Variants in ALDOB observed in about 807,000 individuals in gnomAD.
The protein encoded by ALDOB is fructose-bisphosphate aldolase B.
Under a neutral mutation model 41.0 loss-of-function variants are expected in ALDOB, and 39 were observed. The ratio of observed to expected loss-of-function variants is 0.95; its 90% CI spans 0.74 to 1.24. The LOEUF is 1.24. ALDOB is among the 50% of genes most tolerant of loss of function. The pLI, the probability that ALDOB is intolerant of heterozygous loss-of-function variation, is 0.00. For missense variants in ALDOB, 530 were observed against 457.3 expected (o/e 1.16, Z -1.45); for synonymous variants, 175 against 168.8 (o/e 1.04, Z -0.28).
intron 5 of ALDOB, 107 bp downstream of exon 5, chr9:101,427,375 T>A: frequency 2.1e-6 from 3 of 1,402,884 alleles, no homozygotes; most frequent in Non-Finnish European, 2.9e-6. Context: ...TAGGATATAC[T>A]GGTGAGGGAA....
chr9:101,434,068 G>A (rs755908544), intron 1 of ALDOB, among the ~76,000 whole-genome samples: 6 of 152,032 alleles, frequency 3.9e-5, no homozygotes, highest in South Asian at 2.1e-4. Context: ...CACTGCACCC[G>A]GCCACATTTC....
chr9:101,424,541 T>A (rs1831095171), intron 8 of ALDOB, among the ~76,000 whole-genome samples: 1 of 152,188 alleles, frequency 6.6e-6, no homozygotes, highest in African/African-American at 2.4e-5. Flanking sequence ...CTCTTCTTCA[T>A]CTTCCCAAAA....
chr9:101,429,381 A>G (rs143017767), intron 3 of ALDOB, among the ~76,000 whole-genome samples: 1 of 150,904 alleles, frequency 6.6e-6, no homozygotes, highest in Non-Finnish European at 1.5e-5. Flanking sequence ...CTGGTCTCAA[A>G]CTCCTGAGCT....
chr9:101,422,691 T>A (rs1831065894), intron 8 of ALDOB, among the ~76,000 whole-genome samples: 1 of 152,190 alleles, frequency 6.6e-6, no homozygotes, highest in South Asian at 2.1e-4. Flanking sequence ...TTCTAGTGTT[T>A]GATACAACAG....
At chr9:101,424,202 G>C (rs749978739) in intron 8 of ALDOB, among the ~76,000 whole-genome samples, 2 of 152,170 alleles carry the variant, frequency 1.3e-5, no homozygotes, top group Non-Finnish European at 2.9e-5. Context: ...CAGATCACCT[G>C]AGGTCAGGAG....
At chr9:101,434,340 A>G (rs1306645352) in intron 1 of ALDOB, among the ~76,000 whole-genome samples, 2 of 152,150 alleles carry the variant, frequency 1.3e-5, no homozygotes, top group Non-Finnish European at 2.9e-5. Flanking sequence ...TTAGAATTCT[A>G]TTTCTAATCC....
chr9:101,426,102 G>T (rs1258618595), intron 6 of ALDOB, among the ~76,000 whole-genome samples: 2 of 152,136 alleles, frequency 1.3e-5, no homozygotes, highest in Non-Finnish European at 2.9e-5. Flanking sequence ...AGAAACTAAG[G>T]TCAGGTGACA....
At chr9:101,426,760 A>G in intron 5 of ALDOB, 122 bp from the exon 6 acceptor site, 1 of 719,306 alleles carries the variant, frequency 1.4e-6, no homozygotes, top group Non-Finnish European at 2.6e-6. Context: ...TACTACATAG[A>G]TGACTTAAAG....
At chr9:101,432,619 G>A (rs977216443) in intron 1 of ALDOB, among the ~76,000 whole-genome samples, 4 of 152,206 alleles carry the variant, frequency 2.6e-5, no homozygotes, top group Non-Finnish European at 5.9e-5. Flanking sequence ...CAAGCACTCT[G>A]CTAATGGCTT....
chr9:101,431,018 C>G, intron 1 of ALDOB, 121 bp from the exon 2 acceptor site: 1 of 725,864 alleles, frequency 1.4e-6, no homozygotes. Flanking sequence ...TGACCCATTT[C>G]CACAGGTGGA....
rs141988626 is a variant in ALDOB at position 101,426,597 on chromosome 9, A to G, written c.582T>C (p.Asp194=). Residue 194 remains aspartate (D), a synonymous_variant, in exon 6 of 9, where the codon GAT becomes GAC. Coordinates refer to ENST00000647789, the MANE Select transcript of ALDOB (RefSeq NM_000035.4). ...VPIVEPEVIP[D]GDHDLEHCQY... ...GGCAGTGTTCCAGGTCATGGTCTCC[A>G]TCAGGAATTACCTCTGGTTCAACAA... The G allele has an allele frequency of 2.9e-5, 47 of 1,613,386 alleles. No homozygotes were observed. In the African/African-American group the frequency reaches 6.1e-4, roughly 21 times the overall value.
rs573295428 is a variant in ALDOB, at chr9:101,431,670, C to T, written c.-10-773G>A. Among the ~76,000 whole-genome samples the T allele has an allele frequency of 3.9e-5, 6 of 152,282 alleles. No homozygotes were observed. In the South Asian group the frequency reaches 6.2e-4, roughly 16 times the overall value. The stretch of plus-strand genomic sequence containing the variant: ...ACAGTGGTTGTGCTCTGAAGGAGAT[C>T]GTTGCCCCTGTTCGGATGCCACTTT... On this transcript the variant is annotated intron_variant, in intron 1 of 8. Transcript: ENST00000647789.
chr9:101,428,283 C>T (rs987398175), intron 4 of ALDOB, among the ~76,000 whole-genome samples, 186 bp downstream of exon 4: 1 of 152,176 alleles, frequency 6.6e-6, no homozygotes, highest in African/African-American at 2.4e-5. Context: ...AACTGAGGCT[C>T]ACAATATTTC....
chr9:101,430,877 C>A lies in ALDOB; in HGVS notation c.11G>T (p.Arg4Leu), dbSNP rs767812270. ...CTGCTCCTGGGTGAGGGCTGGAAAT[C>A]GGTGGGCCATGGTGACAGGTCTGGA... MAHRFPALTQEQKK... is the reference protein window; with the variant it reads MAHLFPALTQEQKK... The change falls in exon 2 of 9, where the codon CGA (arginine) becomes CTA (leucine). Residue 4 changes from arginine (R) to leucine (L), a missense_variant. Transcript: ENST00000647789. 2 of 1,613,816 alleles carry A rather than the reference C, an allele frequency of 1.2e-6. No homozygotes were observed. The highest frequency in any genetic ancestry group is 1.1e-5 in the South Asian group (1 of 91,062).
chr9:101,425,918 ACTCC>A (rs917090535), intron 6 of ALDOB, among the ~76,000 whole-genome samples: 2 of 151,362 alleles, frequency 1.3e-5, no homozygotes, highest in African/African-American at 4.9e-5. Context: ...TATTTCCATT[ACTCC>A]CTTGGTCAAT....
chr9:101,422,179 A>G (rs1831057816), intron 8 of ALDOB, among the ~76,000 whole-genome samples: 1 of 152,232 alleles, frequency 6.6e-6, no homozygotes. Context: ...CAACAGTACT[A>G]GAAACTAAAG....
In ALDOB at chr9:101,435,756, G is replaced by C. The variant is rs145578385; in HGVS notation, c.-58C>G. ...CTAGATATCAAAAGCTGTGGGTGAGGCAGCAGCTGCCAAATAAGACAGATC... is the reference window on the plus strand; with the variant it reads ...CTAGATATCAAAAGCTGTGGGTGAGCCAGCAGCTGCCAAATAAGACAGATC... On this transcript the variant is annotated 5_prime_UTR_variant, in exon 1 of 9. Transcript: ENST00000647789. 1.1e-4 allele frequency: 17 copies of C among 152,170 alleles called. No homozygotes were observed. Among genetic ancestry groups the C allele is most frequent in the African/African-American group, 3.4e-4 (14 of 41,522 alleles). 9.4% of individuals were successfully genotyped at this position (152,170 alleles called of 1,614,324 possible).
At position 101,421,499 on chromosome 9, in the gene ALDOB, C is replaced by G. The variant is rs1831045779; in HGVS notation, c.*310G>C. ...TCAGCTAATGAGGTGTTTCAATCAGCAGTTGTTCTTTGGATGAGGAGCCGA... is the reference window on the plus strand; with the variant it reads ...TCAGCTAATGAGGTGTTTCAATCAGGAGTTGTTCTTTGGATGAGGAGCCGA... On this transcript the variant is annotated 3_prime_UTR_variant, in exon 9 of 9. Coordinates refer to ENST00000647789, the MANE Select transcript of ALDOB (RefSeq NM_000035.4). 4.8e-6 allele frequency: 2 copies of G among 420,092 alleles called. No homozygotes were observed. The highest frequency in any genetic ancestry group is 8.9e-6 in the Non-Finnish European group (2 of 223,914). The allele number at this position is 420,092 out of a possible 1,614,324, so 26.0% of individuals were successfully genotyped here.
intron 5 of ALDOB, 99 bp downstream of exon 5, chr9:101,427,383 G>A: frequency 2.1e-6 from 3 of 1,451,032 alleles, no homozygotes; most frequent in East Asian, 2.4e-5. Context: ...ACTGGTGAGG[G>A]AAAAGGAGGT....
Sources: allele counts gnomAD v4.1 joint callset (sites outside exome capture counted in the v4.1 genomes callset), GRCh38; gene constraint gnomAD v4.1.1; transcripts MANE v1.5; gene names NCBI Gene and HGNC (gene_info 2026-07-23, HGNC 2026-07-21).